RPS6KA5: variants seen among roughly 807,000 people sequenced by gnomAD.
RPS6KA5 encodes ribosomal protein S6 kinase A5.
In RPS6KA5, 27 loss-of-function variants were observed where a neutral mutation model predicts 85.5. The observed-to-expected ratio is 0.32, with a 90% CI of 0.23 to 0.44. The LOEUF (loss-of-function observed/expected upper bound fraction) is 0.44, where lower values mean the gene tolerates loss of function less well. RPS6KA5 is among the 20% of genes least tolerant of loss of function. The pLI is 1.00. For missense variants in RPS6KA5, 811 were observed against 980.9 expected (o/e 0.83, Z 2.31); for synonymous variants, 334 against 348.2 (o/e 0.96, Z 0.46).
chr14:90,908,650 T>G (rs1271169266), intron 7 of RPS6KA5, among the ~76,000 whole-genome samples: 1 of 152,182 alleles, frequency 6.6e-6, no homozygotes, highest in Non-Finnish European at 1.5e-5. Flanking sequence ...AGAAAGGGCC[T>G]ATAGCAGGTT....
chr14:90,913,256 A>G (rs2035931088), intron 7 of RPS6KA5, among the ~76,000 whole-genome samples: 1 of 151,974 alleles, frequency 6.6e-6, no homozygotes, highest in South Asian at 2.1e-4. Context: ...TACACTAACC[A>G]GGTCTCCTAC....
intron 5 of RPS6KA5, among the ~76,000 whole-genome samples, chr14:90,931,646 A>C (rs1002494124): frequency 1.3e-5 from 2 of 152,208 alleles, no homozygotes; most frequent in Admixed American, 6.5e-5. Flanking sequence ...AAAACAAGTT[A>C]AAATTTTAGA....
chr14:90,971,302 G>C (rs1269156097), intron 3 of RPS6KA5, among the ~76,000 whole-genome samples: 1 of 152,034 alleles, frequency 6.6e-6, no homozygotes, highest in Non-Finnish European at 1.5e-5. Context: ...AGGCGACAGT[G>C]AACTCCATCT....
intron 5 of RPS6KA5, among the ~76,000 whole-genome samples, chr14:90,932,414 A>G (rs1247087110): frequency 2.0e-5 from 3 of 152,184 alleles, no homozygotes; most frequent in African/African-American, 7.2e-5. Flanking sequence ...TGCTGGGATT[A>G]CAGGCATCAG....
intron 3 of RPS6KA5, among the ~76,000 whole-genome samples, chr14:90,963,283 G>A (rs192692489): frequency 9.3e-4 from 141 of 152,268 alleles, no homozygotes; most frequent in African/African-American, 3.2e-3. Context: ...CAGGAAGCAC[G>A]GATGTTAGTT....
intron 5 of RPS6KA5, among the ~76,000 whole-genome samples, chr14:90,926,049 C>T (rs181388125): frequency 6.6e-5 from 10 of 151,710 alleles, no homozygotes; most frequent in Admixed American, 6.6e-4. Flanking sequence ...GTATTAGACA[C>T]AGCTGAAGAA....
intron 7 of RPS6KA5, among the ~76,000 whole-genome samples, chr14:90,918,345 C>G (rs1158610003): frequency 6.6e-6 from 1 of 152,204 alleles, no homozygotes; most frequent in Non-Finnish European, 1.5e-5. Flanking sequence ...GATGAACTGT[C>G]TGTTCAAATT....
intron 3 of RPS6KA5, among the ~76,000 whole-genome samples, chr14:90,951,044 G>A (rs566350764): frequency 8.0e-4 from 121 of 150,364 alleles, no homozygotes; most frequent in African/African-American, 2.6e-3. Flanking sequence ...TGCTTGAACC[G>A]GGAGGCAGAG....
intron 1 of RPS6KA5, among the ~76,000 whole-genome samples, chr14:91,011,649 C>T (rs1436830152): frequency 6.6e-6 from 1 of 152,174 alleles, no homozygotes; most frequent in African/African-American, 2.4e-5. Flanking sequence ...GACCACTTGA[C>T]CAATTCCTTT....
intron 7 of RPS6KA5, among the ~76,000 whole-genome samples, chr14:90,909,572 C>A (rs909081077): frequency 6.6e-6 from 1 of 152,080 alleles, no homozygotes. Flanking sequence ...ACAACAAGGC[C>A]TTAGAACATG....
intron 7 of RPS6KA5, among the ~76,000 whole-genome samples, chr14:90,909,222 A>G (rs1032451557): frequency 6.6e-6 from 1 of 152,232 alleles, no homozygotes; most frequent in African/African-American, 2.4e-5. Context: ...ATCCTGCAAC[A>G]AGGGCAGGGA....
At position 90,861,313 on chromosome 14, in the gene RPS6KA5, G is replaced by C. The variant is rs1246993867; in HGVS notation, c.*10761C>G. The C allele has an allele frequency of 6.0e-5, 9 of 149,728 alleles. No homozygotes were observed. Among genetic ancestry groups the C allele is most frequent in the East Asian group, 2.0e-4 (1 of 4,946 alleles). 9.3% of individuals were successfully genotyped at this position (149,728 alleles called of 1,614,324 possible). A position where few individuals can be genotyped will look rare whatever the true frequency, so the allele number is the denominator to read the frequency against. ...CGAGGCGGGCGGATCACGAGGTCAG[G>C]AGATCGAGACCATCCCGGCTAAAAC... On this transcript the variant is annotated 3_prime_UTR_variant, in exon 17 of 17. Transcript: ENST00000614987.
At chr14:91,060,008 CGT>C (rs968897633) in intron 1 of RPS6KA5, 8 of 977,842 alleles carry the variant, frequency 8.2e-6, no homozygotes, top group African/African-American at 5.3e-5. Flanking sequence ...CGCAGACACA[CGT>C]GTGTCACCTG....
chr14:90,872,379 G>A, intron 16 of RPS6KA5, 57 bp from the exon 17 acceptor site: 3 of 1,540,196 alleles, frequency 1.9e-6, no homozygotes, highest in Non-Finnish European at 2.6e-6. Context: ...AGCTTTCCTA[G>A]CAGTTATGAC....
intron 7 of RPS6KA5, among the ~76,000 whole-genome samples, chr14:90,914,428 C>T (rs547952605): frequency 6.8e-6 from 1 of 148,114 alleles, no homozygotes; most frequent in African/African-American, 2.5e-5. Context: ...GATTCTCCTG[C>T]CTCAGCCTCC....
At chr14:90,916,456 C>G (rs28595177) in intron 7 of RPS6KA5, among the ~76,000 whole-genome samples, 6,179 of 151,964 alleles carry the variant, frequency 0.041, 161 homozygotes, top group Middle Eastern at 0.075. Context: ...ACAAAAAATA[C>G]GGAAAGTATG....
chr14:90,916,972 G>C (rs539940317), intron 7 of RPS6KA5, among the ~76,000 whole-genome samples: 102 of 152,268 alleles, frequency 6.7e-4, no homozygotes, highest in Middle Eastern at 3.4e-3. Flanking sequence ...ACCTACAGTG[G>C]AAAGGAAAAT....
In RPS6KA5 at chr14:90,862,455, C is replaced by CCTTCTT. The variant is rs200183961; in HGVS notation, c.*9613_*9618dup. On this transcript the variant is annotated 3_prime_UTR_variant, in exon 17 of 17. Transcript: ENST00000614987. ...TCTTCCTCCTCCTCCTCCTCCTCCT[C>CCTTCTT]CTTCTTCTTCTTCTTCTTCTTCTTT... 1 of 150,522 alleles carries CCTTCTT rather than the reference C, an allele frequency of 6.6e-6. No individual in the cohort carries two copies. Among genetic ancestry groups the CCTTCTT allele is most frequent in the East Asian group, 2.0e-4 (1 of 5,122 alleles). 9.3% of individuals were successfully genotyped at this position (150,522 alleles called of 1,614,324 possible).
At position 90,864,669 on chromosome 14, in the gene RPS6KA5, C is replaced by T. The variant is rs570430268; in HGVS notation, c.*7405G>A. On this transcript the variant is annotated 3_prime_UTR_variant, in exon 17 of 17. Transcript: ENST00000614987. Reference sequence around the variant, plus strand: ...TCATATCCATAAAATATAAAAGACTCCTGCAAGTCAGTAAGAAAAAAAGAC... The same window carrying T: ...TCATATCCATAAAATATAAAAGACTTCTGCAAGTCAGTAAGAAAAAAAGAC... 1 of 152,146 alleles carries T rather than the reference C, an allele frequency of 6.6e-6. No individual in the cohort carries two copies. The highest frequency in any genetic ancestry group is 2.1e-4 in the South Asian group (1 of 4,822). The allele number at this position is 152,146 out of a possible 1,614,324, so 9.4% of individuals were successfully genotyped here.
Sources: gnomAD v4.1 joint callset for allele counts (sites outside exome capture counted in the v4.1 genomes callset) on GRCh38, gnomAD v4.1.1 for gene constraint, MANE v1.5 for transcripts, NCBI Gene and HGNC (gene_info 2026-07-23, HGNC 2026-07-21) for gene names.